Variants in PCSK2 observed in about 807,000 individuals in gnomAD.
PCSK2 encodes neuroendocrine convertase 2.
PCSK2 carries 14 observed loss-of-function variants against 69.7 expected under a neutral mutation model. The ratio of observed to expected loss-of-function variants is 0.20; its 90% confidence interval spans 0.13 to 0.31. The LOEUF (loss-of-function observed/expected upper bound fraction) is 0.31. Among genes scored for constraint, PCSK2 ranks in the 10% least tolerant of loss-of-function variants. PCSK2 has a pLI of 1.00. For synonymous variants in PCSK2, 307 were observed against 320.7 expected, an observed-to-expected ratio of 0.96 and a Z score of 0.46; for missense variants, 544 against 842.5, an observed-to-expected ratio of 0.65 and a Z score of 4.39.
chr20:17,352,993 C>CAA (rs199561992), intron 2 of PCSK2, among the ~76,000 whole-genome samples: 525 of 148,422 alleles, frequency 3.5e-3, no homozygotes, highest in Admixed American at 5.1e-3. Flanking sequence ...AACAAATCAA[C>CAA]AAAAAAAAAA....
At chr20:17,471,265 T>C (rs1413324911) in intron 11 of PCSK2, among the ~76,000 whole-genome samples, 1 of 152,194 alleles carries the variant, frequency 6.6e-6, no homozygotes, top group Non-Finnish European at 1.5e-5. Flanking sequence ...GAAATAATGT[T>C]ATCCAAGTCC....
At chr20:17,343,141 C>A (rs1344187518) in intron 2 of PCSK2, among the ~76,000 whole-genome samples, 1 of 152,188 alleles carries the variant, frequency 6.6e-6, no homozygotes, top group Non-Finnish European at 1.5e-5. Context: ...TCCCTTTATT[C>A]AGCACTCTCT....
At chr20:17,438,252 C>T (rs959405185) in intron 8 of PCSK2, among the ~76,000 whole-genome samples, 5 of 152,184 alleles carry the variant, frequency 3.3e-5, no homozygotes, top group Non-Finnish European at 7.3e-5. Flanking sequence ...TGCATCTGCT[C>T]CACATACACA....
At chr20:17,401,961 A>G (rs2031646677) in intron 5 of PCSK2, among the ~76,000 whole-genome samples, 1 of 152,206 alleles carries the variant, frequency 6.6e-6, no homozygotes, top group Non-Finnish European at 1.5e-5. Flanking sequence ...CCAGGAATGT[A>G]CGCTTTTAGG....
chr20:17,417,697 C>A (rs548925060), intron 6 of PCSK2, among the ~76,000 whole-genome samples: 2 of 152,094 alleles, frequency 1.3e-5, no homozygotes, highest in Admixed American at 1.3e-4. Flanking sequence ...TTGAATAAAG[C>A]GTCCCTTCCA....
chr20:17,301,069 G>A (rs1989063629), intron 2 of PCSK2, among the ~76,000 whole-genome samples: 2 of 152,214 alleles, frequency 1.3e-5, no homozygotes, highest in South Asian at 4.1e-4. Flanking sequence ...AGAGTGGGGT[G>A]TCGTTGTTAA....
At chr20:17,372,763 C>T (rs937679465) in intron 5 of PCSK2, among the ~76,000 whole-genome samples, 7 of 152,188 alleles carry the variant, frequency 4.6e-5, no homozygotes, top group African/African-American at 1.4e-4. Context: ...CTACCTCGTG[C>T]TTGATTCCTC....
rs182471390 is a variant in PCSK2 at position 17,365,858 on chromosome 20, C to T, written c.506-3382C>T. On this transcript the variant is annotated intron_variant, in intron 4 of 11. Coordinates refer to ENST00000262545, the MANE Select transcript of PCSK2 (RefSeq NM_002594.5). Reference sequence around the variant, plus strand: ...CCTTCTGGACACACTGGGGTGGGAGCTGGGCCTCCAAGGCTCCTAATGACC... The same window carrying T: ...CCTTCTGGACACACTGGGGTGGGAGTTGGGCCTCCAAGGCTCCTAATGACC... 8.5e-5 allele frequency among the ~76,000 whole-genome samples: 13 copies of T among 152,344 alleles called. No individual in the cohort carries two copies. The East Asian group carries it at 2.3e-3, about 27-fold the overall frequency.
intron 8 of PCSK2, among the ~76,000 whole-genome samples, chr20:17,441,466 T>C (rs2032593155): frequency 6.6e-6 from 1 of 152,212 alleles, no homozygotes; most frequent in Non-Finnish European, 1.5e-5. Context: ...AATATAAGAC[T>C]GTATGCCCCT....
At chr20:17,323,526 T>C (rs971719840) in intron 2 of PCSK2, among the ~76,000 whole-genome samples, 1 of 152,186 alleles carries the variant, frequency 6.6e-6, no homozygotes, top group Non-Finnish European at 1.5e-5. Flanking sequence ...TTAAGTAACA[T>C]ACCCAAGATT....
intron 1 of PCSK2, among the ~76,000 whole-genome samples, chr20:17,260,033 G>T (rs1987317736): frequency 6.6e-6 from 1 of 152,078 alleles, no homozygotes; most frequent in Admixed American, 6.6e-5. Flanking sequence ...GGAGGAGAGT[G>T]GACACCACAT....
intron 5 of PCSK2, among the ~76,000 whole-genome samples, chr20:17,406,493 C>T (rs2031753170): frequency 6.6e-6 from 1 of 152,166 alleles, no homozygotes; most frequent in Admixed American, 6.5e-5. Flanking sequence ...GCCAATTTGA[C>T]CCCAGACAAT....
At chr20:17,230,490 T>C (rs1162697240) in intron 1 of PCSK2, among the ~76,000 whole-genome samples, 1 of 152,192 alleles carries the variant, frequency 6.6e-6, no homozygotes, top group South Asian at 2.1e-4. Context: ...AACTGAAAAA[T>C]AATTGCTTTT....
intron 8 of PCSK2, among the ~76,000 whole-genome samples, chr20:17,443,227 T>C (rs559071831): frequency 1.3e-5 from 2 of 152,304 alleles, no homozygotes; most frequent in African/African-American, 2.4e-5. Context: ...GACGCTTTAT[T>C]ACAAGGTTAT....
In PCSK2 at chr20:17,378,401, T is replaced by G. The variant is rs896424075; in HGVS notation, c.543+9124T>G. Among the ~76,000 whole-genome samples, 5 of 152,194 alleles carry G rather than the reference T, an allele frequency of 3.3e-5. No homozygotes were observed. The East Asian group carries it at 5.8e-4, about 18-fold the overall frequency. On this transcript the variant is annotated intron_variant, in intron 5 of 11. Transcript: ENST00000262545. ...GACTTAAAAAGTAGCCCACATCATT[T>G]CCTTACCCCAAATTCCCTAAAGCCC...
At chr20:17,341,021 AG>A (rs1990495652) in intron 2 of PCSK2, among the ~76,000 whole-genome samples, 1 of 152,136 alleles carries the variant, frequency 6.6e-6, no homozygotes, top group Admixed American at 6.6e-5. Context: ...AGACTGAGGC[AG>A]GTGGATCACT....
intron 5 of PCSK2, among the ~76,000 whole-genome samples, chr20:17,396,175 G>A (rs559297360): frequency 1.3e-5 from 2 of 152,294 alleles, no homozygotes; most frequent in East Asian, 3.9e-4. Flanking sequence ...TTATCTTCTG[G>A]TTCCTTTTCC....
intron 2 of PCSK2, among the ~76,000 whole-genome samples, chr20:17,294,903 T>C (rs1470026833): frequency 6.6e-6 from 1 of 152,144 alleles, no homozygotes; most frequent in Non-Finnish European, 1.5e-5. Context: ...ACACTCTAGG[T>C]CTCTCAACAC....
At chr20:17,472,482 A>C (rs1461607539) in intron 11 of PCSK2, among the ~76,000 whole-genome samples, 1 of 152,260 alleles carries the variant, frequency 6.6e-6, no homozygotes, top group East Asian at 1.9e-4. Flanking sequence ...TGACTGCCAC[A>C]AAAGCAGGCA....
Sources: gnomAD v4.1 joint callset for allele counts (sites outside exome capture counted in the v4.1 genomes callset) on GRCh38, gnomAD v4.1.1 for gene constraint, MANE v1.5 for transcripts, NCBI Gene and HGNC (gene_info 2026-07-23, HGNC 2026-07-21) for gene names.